Variants in RYR2 observed in about 807,000 individuals in gnomAD.
The protein encoded by RYR2 is ryanodine receptor 2, also known as cardiac muscle ryanodine receptor-calcium release channel.
In RYR2, 227 loss-of-function variants were observed where a neutral mutation model predicts 601.1. The ratio of observed to expected loss-of-function variants is 0.38; its 90% CI spans 0.34 to 0.42. RYR2 has a LOEUF of 0.42. RYR2 is among the 10% of genes least tolerant of loss of function. The pLI, the probability that RYR2 is intolerant of heterozygous loss-of-function variation, is 1.00. For missense variants in RYR2, 4,646 were observed against 6,156.5 expected (o/e 0.75, Z 8.21); for synonymous variants, 2,223 against 2,175.1 (o/e 1.02, Z -0.61).
chr1:237,697,108 A>C, intron 63 of RYR2, among the ~76,000 whole-genome samples: 1 of 150,300 alleles, frequency 6.7e-6, no homozygotes, highest in Non-Finnish European at 1.5e-5. Context: ...TCTTGCTCTG[A>C]CTCCCTTAGC....
At chr1:237,576,988 G>A (rs1291456947) in intron 29 of RYR2, among the ~76,000 whole-genome samples, 1 of 152,112 alleles carries the variant, frequency 6.6e-6, no homozygotes, top group Non-Finnish European at 1.5e-5. Flanking sequence ...TACACCCATA[G>A]AACCTCTTTT....
intron 87 of RYR2, among the ~76,000 whole-genome samples, chr1:237,777,311 C>A (rs148063848): frequency 0.011 from 1,695 of 152,276 alleles, 17 homozygotes; most frequent in Middle Eastern, 0.02. Context: ...TCATAGTCAT[C>A]TGAGAATACA....
In RYR2 at chr1:237,442,202, C is replaced by T. The variant is rs140620936; in HGVS notation, c.1170+719C>T. ...TCTCAAGGTGAACACCTAATGTTGT[C>T]GAAATTGTGGCAGAAGAGGTTGATT... On this transcript the variant is annotated intron_variant, in intron 13 of 104. Coordinates refer to ENST00000366574, the MANE Select transcript of RYR2 (RefSeq NM_001035.3). Among the ~76,000 whole-genome samples the T allele has an allele frequency of 6.6e-3, 1,009 of 152,230 alleles. 8 individuals are homozygous for T. Among genetic ancestry groups the T allele is most frequent in the African/African-American group, 0.023 (957 of 41,532 alleles).
chr1:237,375,624 T>G (rs1330363108), intron 7 of RYR2, among the ~76,000 whole-genome samples: 1 of 152,192 alleles, frequency 6.6e-6, no homozygotes, highest in Non-Finnish European at 1.5e-5. Context: ...ACCAGCCTCA[T>G]AAACTTTTTA....
chr1:237,213,275 T>C (rs1682791086), intron 1 of RYR2, among the ~76,000 whole-genome samples: 1 of 152,036 alleles, frequency 6.6e-6, no homozygotes, highest in Admixed American at 6.6e-5. Flanking sequence ...CCTCCTGGGC[T>C]CAAGTGATCC....
At chr1:237,092,589 G>A (rs1004873748) in intron 1 of RYR2, among the ~76,000 whole-genome samples, 2 of 150,166 alleles carry the variant, frequency 1.3e-5, no homozygotes, top group African/African-American at 4.9e-5. Flanking sequence ...GAGTGCCGTG[G>A]TGTGATTTCG....
chr1:237,625,575 A>T, intron 39 of RYR2, 86 bp from the exon 40 acceptor site: 1 of 1,352,654 alleles, frequency 7.4e-7, no homozygotes, highest in Non-Finnish European at 1.0e-6. Context: ...TAAGTTGTGC[A>T]TGAAAGAAAT....
At chr1:237,772,228 T>G in intron 86 of RYR2, 128 bp downstream of exon 86, 1 of 518,746 alleles carries the variant, frequency 1.9e-6, no homozygotes, top group South Asian at 3.2e-5. Flanking sequence ...CTGATCACAA[T>G]CTCTCAGCAA....
At chr1:237,382,344 T>G (rs1701589001) in intron 8 of RYR2, among the ~76,000 whole-genome samples, 1 of 152,338 alleles carries the variant, frequency 6.6e-6, no homozygotes, top group African/African-American at 2.4e-5. Context: ...TCTTTCTTTC[T>G]TACCCAACTC....
intron 60 of RYR2, among the ~76,000 whole-genome samples, chr1:237,677,763 C>T (rs1685529461): frequency 6.6e-6 from 1 of 152,132 alleles, no homozygotes; most frequent in South Asian, 2.1e-4. Context: ...ATTCCATTTT[C>T]CCCTCTCTAT....
At chr1:237,416,401 C>T (rs1449055659) in intron 10 of RYR2, among the ~76,000 whole-genome samples, 1 of 152,120 alleles carries the variant, frequency 6.6e-6, no homozygotes, top group Non-Finnish European at 1.5e-5. Flanking sequence ...ATACTTACAG[C>T]AATTACTTAG....
chr1:237,415,625 AG>A (rs1704901954), intron 10 of RYR2, among the ~76,000 whole-genome samples: 1 of 152,240 alleles, frequency 6.6e-6, no homozygotes, highest in South Asian at 2.1e-4. Context: ...GAATGTAGAA[AG>A]TCCTCCAGGA....
intron 1 of RYR2, among the ~76,000 whole-genome samples, chr1:237,168,623 T>C (rs1031404109): frequency 6.6e-6 from 1 of 152,174 alleles, no homozygotes; most frequent in Non-Finnish European, 1.5e-5. Flanking sequence ...GCTTGAATTA[T>C]AATTTTGGTG....
chr1:237,793,980 A>T lies in RYR2; in HGVS notation c.13896A>T (p.Arg4632Ser). ...SEDDIKGQWD[R>S]LVINTQSFPN... The stretch of plus-strand genomic sequence containing the variant: ...ATGATATTAAAGGCCAGTGGGATAG[A>T]CTCGTAATCAACACACAGTGAGTAA... Residue 4632 changes from arginine to serine, a missense_variant, in exon 95 of 105, where the codon AGA (arginine) becomes AGT (serine). Arg to Ser is a moderately radical substitution (Grantham distance 110, BLOSUM62 -1). Transcript: ENST00000366574. The T allele has an allele frequency of 6.2e-7, 1 of 1,611,616 alleles. No homozygotes were observed. Among genetic ancestry groups the T allele is most frequent in the Non-Finnish European group, 8.5e-7 (1 of 1,177,938 alleles).
At chr1:237,795,459 T>TG in intron 96 of RYR2, 128 bp downstream of exon 96, 4 of 520,664 alleles carry the variant, frequency 7.7e-6, no homozygotes, top group Non-Finnish European at 1.4e-5. Flanking sequence ...CATTTTTTTT[T>TG]TTTAATTTTT....
intron 10 of RYR2, among the ~76,000 whole-genome samples, chr1:237,416,261 C>G (rs757614827): frequency 2.0e-5 from 3 of 152,052 alleles, no homozygotes; most frequent in Non-Finnish European, 1.5e-5. Context: ...GCAGGATAGG[C>G]TTTCATGTGT....
chr1:237,794,358 T>G (rs1658832937), intron 95 of RYR2, among the ~76,000 whole-genome samples: 1 of 152,090 alleles, frequency 6.6e-6, no homozygotes, highest in African/African-American at 2.4e-5. Flanking sequence ...AACGAAAAAG[T>G]TGTAGCATTA....
chr1:237,437,305 G>A (rs996128463), intron 12 of RYR2, among the ~76,000 whole-genome samples: 12 of 152,018 alleles, frequency 7.9e-5, no homozygotes, highest in Non-Finnish European at 1.8e-4. Context: ...GCCCACCTCG[G>A]CCTCCTAAAG....
intron 58 of RYR2, among the ~76,000 whole-genome samples, chr1:237,669,033 G>A (rs920158033): frequency 4.0e-5 from 6 of 151,338 alleles, no homozygotes; most frequent in Non-Finnish European, 7.4e-5. Context: ...GCCTTCCGCA[G>A]TGTTTGTGTC....
Sources: allele counts gnomAD v4.1 joint callset (sites outside exome capture counted in the v4.1 genomes callset), GRCh38; gene constraint gnomAD v4.1.1; transcripts MANE v1.5; gene names NCBI Gene and HGNC (gene_info 2026-07-23, HGNC 2026-07-21).